The following IL36B variants were observed in gnomAD, a reference collection of about 807,000 sequenced individuals.
IL36B encodes the protein interleukin-36 beta.
IL36B carries 23 observed loss-of-function variants against 19.3 expected under a neutral mutation model. That is an observed-to-expected ratio of 1.19 (90% CI 0.86 to 1.69). IL36B has a LOEUF of 1.69. IL36B is among the 40% of genes most tolerant of loss of function. The pLI is 0.00. For synonymous variants in IL36B, 59 were observed against 59.7 expected (o/e 0.99, Z 0.05); for missense variants, 217 against 200.5 (o/e 1.08, Z -0.50).
chr2:113,045,720 T>G (rs1441429838), intron 1 of IL36B, among the ~76,000 whole-genome samples: 1 of 152,218 alleles, frequency 6.6e-6, no homozygotes, highest in Non-Finnish European at 1.5e-5. Context: ...GTCCTCAAAT[T>G]CACTAATAAT....
chr2:113,035,884 G>A (rs1187187055), intron 1 of IL36B, among the ~76,000 whole-genome samples: 4 of 152,184 alleles, frequency 2.6e-5, no homozygotes, highest in Admixed American at 2.0e-4. Flanking sequence ...GTTGCCTCAG[G>A]AGAGTAGGAT....
At chr2:113,038,804 A>G (rs1187233655) in intron 1 of IL36B, among the ~76,000 whole-genome samples, 1 of 152,230 alleles carries the variant, frequency 6.6e-6, no homozygotes, top group Non-Finnish European at 1.5e-5. Context: ...ACAAAGAGAC[A>G]GAGATGAGGA....
At chr2:113,022,828 C>T (rs1173858154) in intron 5 of IL36B, 3 of 1,254,162 alleles carry the variant, frequency 2.4e-6, no homozygotes, top group Admixed American at 3.4e-5. Context: ...TGGACATTTG[C>T]TAAACCACCA....
chr2:113,040,668 T>C (rs1056504212), intron 1 of IL36B, among the ~76,000 whole-genome samples: 1 of 152,190 alleles, frequency 6.6e-6, no homozygotes, highest in Admixed American at 6.5e-5. Context: ...TACTTAGGAA[T>C]AAATTTAACA....
intron 1 of IL36B, among the ~76,000 whole-genome samples, chr2:113,034,505 C>G (rs1685132057): frequency 7.5e-6 from 1 of 132,982 alleles, no homozygotes; most frequent in Admixed American, 7.8e-5. Context: ...TATTTATTAT[C>G]TCCACTACCA....
At chr2:113,047,260 T>C (rs182315566) in intron 1 of IL36B, among the ~76,000 whole-genome samples, 2 of 152,278 alleles carry the variant, frequency 1.3e-5, no homozygotes, top group African/African-American at 2.4e-5. Context: ...AATTCAGCCA[T>C]TTTGCCAAGG....
Position 113,028,970 on chromosome 2 carries a change from T to C in IL36B, c.230A>G (p.Glu77Gly). The change falls in exon 4 of 6, where the codon GAA (glutamate) becomes GGA (glycine). Residue 77 changes from glutamate to glycine, a missense_variant. Transcript: ENST00000259213. ...CTGCAAAGTAGGCTTGCCCTGAATT[T>C]CTGCACAGAAGAGACAGAGATCTTT... The C allele has an allele frequency of 6.2e-7, 1 of 1,614,160 alleles. No homozygotes were observed. Among genetic ancestry groups the C allele is most frequent in the Non-Finnish European group, 8.5e-7 (1 of 1,179,990 alleles).
intron 2 of IL36B, 98 bp downstream of exon 2, chr2:113,031,599 A>G: frequency 9.1e-7 from 1 of 1,092,902 alleles, no homozygotes; most frequent in Non-Finnish European, 1.4e-6. Flanking sequence ...GAGCAAATAC[A>G]TTTATAGCTT....
In IL36B at chr2:113,026,174, T is replaced by C. The variant is rs774779491; in HGVS notation, c.320A>G (p.His107Arg). ...TCTCACATCCAGGTTTATGCATGTGTGAATTCCAACTAGTTTCCAGCAAGT... is the reference window on the plus strand; with the variant it reads ...TCTCACATCCAGGTTTATGCATGTGCGAATTCCAACTAGTTTCCAGCAAGT... The change falls in exon 5 of 6, where the codon CAC becomes CGC. Residue 107 changes from histidine (H) to arginine (R), a missense_variant. His to Arg is a conservative substitution (Grantham distance 29). Transcript: ENST00000259213. The C allele has an allele frequency of 6.2e-7, 1 of 1,613,938 alleles. No homozygotes were observed. Among genetic ancestry groups the C allele is most frequent in the Non-Finnish European group, 8.5e-7 (1 of 1,179,844 alleles).
At chr2:113,050,039 C>T (rs771413210) in intron 1 of IL36B, among the ~76,000 whole-genome samples, 44 of 151,774 alleles carry the variant, frequency 2.9e-4, no homozygotes, top group Non-Finnish European at 2.9e-4. Context: ...CTGTGGAAAA[C>T]GGTATGGTTG....
chr2:113,036,189 G>T (rs1685164957), intron 1 of IL36B, among the ~76,000 whole-genome samples: 1 of 151,942 alleles, frequency 6.6e-6, no homozygotes, highest in Non-Finnish European at 1.5e-5. Context: ...CAAATGATCT[G>T]CCTGCCTCTG....
At chr2:113,040,232 G>A (rs1325077394) in intron 1 of IL36B, among the ~76,000 whole-genome samples, 1 of 152,094 alleles carries the variant, frequency 6.6e-6, no homozygotes, top group Non-Finnish European at 1.5e-5. Context: ...TAAACTCCCA[G>A]CAAACTAGGA....
intron 1 of IL36B, among the ~76,000 whole-genome samples, chr2:113,034,976 C>A (rs1573370885): frequency 6.6e-6 from 1 of 152,210 alleles, no homozygotes; most frequent in African/African-American, 2.4e-5. Flanking sequence ...GAGATACAGA[C>A]AAGGCTCTAA....
chr2:113,027,864 C>T (rs941680605), intron 4 of IL36B: 3 of 1,609,604 alleles, frequency 1.9e-6, no homozygotes, highest in Non-Finnish European at 2.5e-6. Flanking sequence ...CAGCTTGATT[C>T]TCTATCCTGG....
At chr2:113,028,160 G>T in intron 4 of IL36B, 45 bp from the exon 5 acceptor site, 2 of 1,501,372 alleles carry the variant, frequency 1.3e-6, no homozygotes, top group South Asian at 2.3e-5. Flanking sequence ...ATAGGAGGAG[G>T]AAGCTAAAGT....
chr2:113,039,565 G>C (rs143176485), intron 1 of IL36B, among the ~76,000 whole-genome samples: 49 of 152,166 alleles, frequency 3.2e-4, no homozygotes, highest in Middle Eastern at 3.4e-3. Flanking sequence ...CAAACTAGAG[G>C]GGAGGATGAA....
intron 4 of IL36B, chr2:113,027,756 G>T (rs1336927294): frequency 6.9e-7 from 1 of 1,451,088 alleles, no homozygotes; most frequent in East Asian, 2.5e-5. Context: ...ATGTTTGGAG[G>T]AGGAGGTGGC....
At chr2:113,027,872 T>A in intron 4 of IL36B, 2 of 1,612,168 alleles carry the variant, frequency 1.2e-6, no homozygotes, top group Non-Finnish European at 1.7e-6. Flanking sequence ...TTCTCTATCC[T>A]GGAACCAGCC....
rs564791781 is a variant in IL36B at position 113,027,233 on chromosome 2, G to A, written c.262-1001C>T. 2.0e-5 allele frequency among the ~76,000 whole-genome samples: 3 copies of A among 152,266 alleles called. 1 individual carries two copies. The highest frequency in any genetic ancestry group is 7.2e-5 in the African/African-American group (3 of 41,548). On this transcript the variant is annotated intron_variant, in intron 4 of 5. Coordinates refer to ENST00000259213, the MANE Select transcript of IL36B (RefSeq NM_014438.5). Reference sequence around the variant, plus strand: ...CTGAGGAGAAGAAAGAGGAGGGATTGTTTTTGCTGTCTCAGGGGTGGAGAG... The same window carrying A: ...CTGAGGAGAAGAAAGAGGAGGGATTATTTTTGCTGTCTCAGGGGTGGAGAG...
Sources: allele counts gnomAD v4.1 joint callset (sites outside exome capture counted in the v4.1 genomes callset), GRCh38; gene constraint gnomAD v4.1.1; transcripts MANE v1.5; gene names NCBI Gene and HGNC (gene_info 2026-07-23, HGNC 2026-07-21).